The following CYRIB variants were observed in gnomAD, a reference collection of about 807,000 sequenced individuals.
CYRIB encodes CYFIP-related Rac1 interactor B.
CYRIB carries 8 observed loss-of-function variants against 44.2 expected under a neutral mutation model. The observed-to-expected ratio is 0.18, with a 90% CI of 0.11 to 0.33. CYRIB has a LOEUF of 0.33. Among genes scored for constraint, CYRIB ranks in the 10% least tolerant of loss-of-function variants. The pLI, the probability that CYRIB is intolerant of heterozygous loss-of-function variation, is 1.00. For missense variants in CYRIB, 185 were observed against 382.8 expected (o/e 0.48, Z 4.31); for synonymous variants, 131 against 127.2 (o/e 1.03, Z -0.20).
chr8:129,971,777 G>A (rs1431382933), intron 1 of CYRIB, among the ~76,000 whole-genome samples: 1 of 152,130 alleles, frequency 6.6e-6, no homozygotes, highest in Non-Finnish European at 1.5e-5. Flanking sequence ...TTTCTACTTT[G>A]CAGAGAAAGA....
In CYRIB at chr8:129,911,181, T is replaced by C. The variant is rs959028302; in HGVS notation, c.-49-7831A>G. Among the ~76,000 whole-genome samples, 5 of 152,208 alleles carry C rather than the reference T, an allele frequency of 3.3e-5. 1 individual carries two copies. Among genetic ancestry groups the C allele is most frequent in the Admixed American group, 3.3e-4 (5 of 15,280 alleles). On this transcript the variant is annotated intron_variant, in intron 1 of 11. Transcript: ENST00000519824. ...GCTGCCTTTTTCTAAGTACTTCCTATGTTTTAGACACTGTACTGCATGATA... is the reference window on the plus strand; with the variant it reads ...GCTGCCTTTTTCTAAGTACTTCCTACGTTTTAGACACTGTACTGCATGATA...
chr8:129,900,457 G>A (rs950315341), intron 2 of CYRIB, among the ~76,000 whole-genome samples: 3 of 152,134 alleles, frequency 2.0e-5, no homozygotes, highest in African/African-American at 4.8e-5. Flanking sequence ...ACTGGGATTC[G>A]GGGACATCAT....
chr8:129,993,688 C>A (rs1165192796), intron 1 of CYRIB, among the ~76,000 whole-genome samples: 1 of 150,132 alleles, frequency 6.7e-6, no homozygotes, highest in African/African-American at 2.5e-5. Context: ...CAGAGTGAAA[C>A]TCTCTCTCAA....
intron 1 of CYRIB, among the ~76,000 whole-genome samples, chr8:129,991,969 A>G (rs199590696): frequency 0.058 from 7,594 of 132,038 alleles, 513 homozygotes; most frequent in South Asian, 0.18. Context: ...AAAAAAAAAA[A>G]AAACAATAGG....
At chr8:129,860,422 A>G (rs2048752340) in intron 5 of CYRIB, among the ~76,000 whole-genome samples, 2 of 152,238 alleles carry the variant, frequency 1.3e-5, no homozygotes, top group African/African-American at 4.8e-5. Flanking sequence ...ATTGGGTTAT[A>G]AAGTGCAAAG....
chr8:129,855,860 A>C, intron 5 of CYRIB, 113 bp from the exon 8 acceptor site: 1 of 969,042 alleles, frequency 1.0e-6, no homozygotes, highest in East Asian at 2.6e-5. Context: ...TCTTTAAAAA[A>C]CAGATGATCT....
At chr8:129,946,389 A>C (rs1010829377) in intron 2 of CYRIB, among the ~76,000 whole-genome samples, 6 of 152,198 alleles carry the variant, frequency 3.9e-5, no homozygotes, top group Admixed American at 3.9e-4. Context: ...TTTTCACAGG[A>C]TGAATGAACA....
At chr8:129,977,985 T>C (rs2096028234) in intron 1 of CYRIB, among the ~76,000 whole-genome samples, 2 of 152,202 alleles carry the variant, frequency 1.3e-5, no homozygotes, top group South Asian at 4.1e-4. Context: ...CATATCTCAC[T>C]GTGGCCTCGA....
chr8:129,969,544 C>T (rs1348664278), intron 2 of CYRIB, among the ~76,000 whole-genome samples: 1 of 152,172 alleles, frequency 6.6e-6, no homozygotes, highest in East Asian at 1.9e-4. Context: ...CTTCTGAAGC[C>T]AGCATGTTGT....
chr8:129,883,156 T>C (rs2061437568), intron 2 of CYRIB, among the ~76,000 whole-genome samples: 1 of 147,938 alleles, frequency 6.8e-6, no homozygotes, highest in South Asian at 2.1e-4. Context: ...TGGCTCAGTT[T>C]ATCTAACACA....
At chr8:129,881,596 C>T (rs867930971) in intron 2 of CYRIB, among the ~76,000 whole-genome samples, 6 of 152,246 alleles carry the variant, frequency 3.9e-5, no homozygotes, top group African/African-American at 1.2e-4. Context: ...GTCTGATGTA[C>T]GGAAACACAA....
intron 1 of CYRIB, among the ~76,000 whole-genome samples, chr8:130,001,593 A>T (rs1023431425): frequency 6.9e-6 from 1 of 145,712 alleles, no homozygotes; most frequent in Non-Finnish European, 1.5e-5. Flanking sequence ...CAATGGCGCA[A>T]TCTTGGTTCA....
intron 1 of CYRIB, among the ~76,000 whole-genome samples, chr8:130,004,095 C>A (rs1056844282): frequency 6.6e-6 from 1 of 152,190 alleles, no homozygotes; most frequent in Non-Finnish European, 1.5e-5. Flanking sequence ...TCACAGCAGA[C>A]AACTAGACAT....
At chr8:129,923,796 T>C (rs984864638) in intron 1 of CYRIB, among the ~76,000 whole-genome samples, 8 of 150,550 alleles carry the variant, frequency 5.3e-5, no homozygotes, top group African/African-American at 2.0e-4. Flanking sequence ...AAGTAAAACA[T>C]GAAAAAGAGT....
exon 9 of CYRIB, chr8:129,850,906 A>G (rs985890945): frequency 6.2e-7 from 1 of 1,602,016 alleles, no homozygotes; most frequent in Non-Finnish European, 8.5e-7. Flanking sequence ...CTATTGGTAA[A>G]TTTTTATTCT....
At chr8:129,848,736 T>TTC (rs904972479) in intron 10 of CYRIB, among the ~76,000 whole-genome samples, 3 of 109,042 alleles carry the variant, frequency 2.8e-5, no homozygotes, top group African/African-American at 1.0e-4. Flanking sequence ...ACCTGGCTAA[T>TTC]TTTTTTTTTT....
intron 1 of CYRIB, among the ~76,000 whole-genome samples, chr8:130,012,355 T>C (rs2097244118): frequency 6.6e-6 from 1 of 152,196 alleles, no homozygotes; most frequent in African/African-American, 2.4e-5. Flanking sequence ...TTCATAAAGC[T>C]TGGAGGCTCC....
chr8:129,965,968 C>T (rs2095464370), intron 2 of CYRIB, among the ~76,000 whole-genome samples: 1 of 151,988 alleles, frequency 6.6e-6, no homozygotes, highest in Non-Finnish European at 1.5e-5. Flanking sequence ...TCTCCTACGT[C>T]GGCTTCCCGA....
chr8:129,907,364 C>A (rs1390387120), intron 1 of CYRIB, among the ~76,000 whole-genome samples: 1 of 151,910 alleles, frequency 6.6e-6, no homozygotes, highest in East Asian at 1.9e-4. Context: ...CCAAACACTG[C>A]ATGTTCTCAC....
Sources: allele counts gnomAD v4.1 joint callset (sites outside exome capture counted in the v4.1 genomes callset), GRCh38; gene constraint gnomAD v4.1.1; transcripts MANE v1.5; gene names NCBI Gene and HGNC (gene_info 2026-07-23, HGNC 2026-07-21).